The following ADAM23 variants were observed in gnomAD, a reference collection of about 807,000 sequenced individuals.
The protein encoded by ADAM23 is ADAM metallopeptidase domain 23, also known as disintegrin and metalloproteinase domain-containing protein 23.
ADAM23 carries 33 observed loss-of-function variants against 120.1 expected under a neutral mutation model. The ratio of observed to expected loss-of-function variants is 0.27; its 90% CI spans 0.21 to 0.37. The LOEUF (loss-of-function observed/expected upper bound fraction) is 0.37. Among genes scored for constraint, ADAM23 ranks in the 10% least tolerant of loss-of-function variants. The pLI, the probability that ADAM23 is intolerant of heterozygous loss-of-function variation, is 1.00. For missense variants in ADAM23, 862 were observed against 1,058.2 expected (o/e 0.81, Z 2.57); for synonymous variants, 367 against 375.2 (o/e 0.98, Z 0.25).
chr2:206,561,898 A>G (rs1482647309), intron 12 of ADAM23, among the ~76,000 whole-genome samples: 1 of 152,136 alleles, frequency 6.6e-6, no homozygotes, highest in African/African-American at 2.4e-5. Flanking sequence ...CTCTTGACAT[A>G]TTTTAGTAAG....
intron 24 of ADAM23, among the ~76,000 whole-genome samples, chr2:206,603,562 C>G (rs1312819776): frequency 2.0e-5 from 3 of 152,150 alleles, no homozygotes; most frequent in African/African-American, 7.2e-5. Context: ...CCACTTTTAA[C>G]TTGCTTTAGC....
At chr2:206,607,579 A>G (rs931688111) in intron 24 of ADAM23, among the ~76,000 whole-genome samples, 4 of 152,140 alleles carry the variant, frequency 2.6e-5, no homozygotes, top group Admixed American at 2.0e-4. Flanking sequence ...TGTTATCAGC[A>G]TTTGTTTTCA....
Position 206,618,793 on chromosome 2 carries a change from T to C in ADAM23, c.*1166T>C, listed in dbSNP as rs1388896963. On this transcript the variant is annotated 3_prime_UTR_variant, in exon 26 of 26. Coordinates refer to ENST00000264377, the MANE Select transcript of ADAM23 (RefSeq NM_003812.4). ...AATATATGTACTAAGTTTCGAAAAT[T>C]TTTTGATGTCATTATAAACCTATGT... is the stretch of plus-strand genomic sequence containing the variant. 1 of 152,132 alleles carries C rather than the reference T, an allele frequency of 6.6e-6. No individual in the cohort carries two copies. Among genetic ancestry groups the C allele is most frequent in the Non-Finnish European group, 1.5e-5 (1 of 68,028 alleles). The allele number at this position is 152,132 out of a possible 1,614,324, so 9.4% of individuals were successfully genotyped here.
At chr2:206,568,835 TGTG>T (rs1697940615) in intron 15 of ADAM23, among the ~76,000 whole-genome samples, 2 of 152,194 alleles carry the variant, frequency 1.3e-5, no homozygotes, top group Admixed American at 1.3e-4. Context: ...CAGTAACTAA[TGTG>T]GTAACTAACA....
At chr2:206,563,247 G>T (rs568977142) in intron 13 of ADAM23, among the ~76,000 whole-genome samples, 1 of 152,098 alleles carries the variant, frequency 6.6e-6, no homozygotes, top group East Asian at 1.9e-4. Flanking sequence ...TGGGAGTAAA[G>T]GTCTCACTTA....
chr2:206,583,660 C>G (rs1429102086), intron 18 of ADAM23, among the ~76,000 whole-genome samples: 1 of 152,016 alleles, frequency 6.6e-6, no homozygotes, highest in Non-Finnish European at 1.5e-5. Context: ...ATTGCTGAGA[C>G]TTTCCAGAGC....
At chr2:206,522,589 C>T (rs970324153) in intron 3 of ADAM23, among the ~76,000 whole-genome samples, 4 of 152,150 alleles carry the variant, frequency 2.6e-5, no homozygotes, top group Non-Finnish European at 5.9e-5. Flanking sequence ...GATCATGGAT[C>T]CTCTTCTGTT....
chr2:206,488,162 G>C (rs1183030416), intron 3 of ADAM23, among the ~76,000 whole-genome samples: 1 of 152,226 alleles, frequency 6.6e-6, no homozygotes, highest in Non-Finnish European at 1.5e-5. Context: ...CCTTCTTGCT[G>C]ACTGACATGG....
chr2:206,554,960 T>G (rs933931955), intron 9 of ADAM23, among the ~76,000 whole-genome samples: 1 of 152,128 alleles, frequency 6.6e-6, no homozygotes, highest in African/African-American at 2.4e-5. Context: ...ACGTGGTAGC[T>G]CTCTCACCTC....
chr2:206,507,635 A>C (rs545397526), intron 3 of ADAM23, among the ~76,000 whole-genome samples: 2 of 152,372 alleles, frequency 1.3e-5, no homozygotes, highest in South Asian at 4.1e-4. Context: ...GTACTAATAC[A>C]GTAGGATTTA....
intron 13 of ADAM23, among the ~76,000 whole-genome samples, chr2:206,563,761 A>C: frequency 1.4e-5 from 2 of 141,972 alleles, no homozygotes. Flanking sequence ...AATGAGTCTC[A>C]CTCTGTCTCC....
At chr2:206,508,349 T>C (rs1696545502) in intron 3 of ADAM23, among the ~76,000 whole-genome samples, 1 of 152,108 alleles carries the variant, frequency 6.6e-6, no homozygotes. Flanking sequence ...TTTATCACTT[T>C]ACTAACAGGT....
chr2:206,607,882 GT>G (rs5838036), intron 24 of ADAM23: 144 of 359,864 alleles, frequency 4.0e-4, no homozygotes, highest in East Asian at 2.4e-3. Context: ...TCCATGGACA[GT>G]TTTTTTTTTA....
Position 206,589,450 on chromosome 2 carries a change from A to G in ADAM23, c.1894A>G (p.Thr632Ala). ...SDKFCYEKLN[T>A]EGTEKGNCGK... ...CAAGTTCTGCTATGAAAAGCTGAAT[A>G]CAGAAGGCACTGAGAAGGGAAACTG... is the stretch of plus-strand genomic sequence containing the variant. The change falls in exon 21 of 26, where the codon ACA (threonine) becomes GCA (alanine). Residue 632 changes from threonine to alanine, a missense_variant. By Grantham distance (58) the Thr-to-Ala change is moderately conservative. Coordinates refer to ENST00000264377, the MANE Select transcript of ADAM23 (RefSeq NM_003812.4). The G allele has an allele frequency of 2.5e-6, 4 of 1,613,878 alleles. No homozygotes were observed. Among genetic ancestry groups the G allele is most frequent in the Non-Finnish European group, 3.4e-6 (4 of 1,179,914 alleles).
chr2:206,555,182 T>G (rs1697618627), intron 9 of ADAM23, among the ~76,000 whole-genome samples: 1 of 152,194 alleles, frequency 6.6e-6, no homozygotes, highest in Non-Finnish European at 1.5e-5. Flanking sequence ...CAGAACTGCC[T>G]ATTTGATATC....
intron 24 of ADAM23, 110 bp from the exon 25 acceptor site, chr2:206,609,800 C>A: frequency 1.2e-6 from 1 of 805,054 alleles, no homozygotes; most frequent in Non-Finnish European, 1.9e-6. Flanking sequence ...AAATGTTTAG[C>A]CGTCTTTTAC....
At chr2:206,544,561 A>C (rs1444748467) in intron 6 of ADAM23, among the ~76,000 whole-genome samples, 1 of 152,026 alleles carries the variant, frequency 6.6e-6, no homozygotes, top group Non-Finnish European at 1.5e-5. Context: ...GGTATGTTAG[A>C]TAGTGATACA....
chr2:206,459,350 C>A (rs1312855470), intron 2 of ADAM23, among the ~76,000 whole-genome samples: 1 of 152,084 alleles, frequency 6.6e-6, no homozygotes, highest in Non-Finnish European at 1.5e-5. Flanking sequence ...ATAACTATAT[C>A]CTTATTTATT....
At chr2:206,542,031 T>C in intron 4 of ADAM23, 21 bp from the exon 5 acceptor site, 1 of 1,613,136 alleles carries the variant, frequency 6.2e-7, no homozygotes, top group Non-Finnish European at 8.5e-7. Context: ...ATACAACCAA[T>C]CAATGAAACC....
Sources: gnomAD v4.1 joint callset for allele counts (sites outside exome capture counted in the v4.1 genomes callset) on GRCh38, gnomAD v4.1.1 for gene constraint, MANE v1.5 for transcripts, NCBI Gene and HGNC (gene_info 2026-07-23, HGNC 2026-07-21) for gene names.